Variants in CRIM1 observed in about 807,000 individuals in gnomAD.
CRIM1 encodes cysteine-rich motor neuron 1 protein.
A neutral mutation model predicts 116.4 loss-of-function variants in CRIM1; 32 were observed. That is an observed-to-expected ratio of 0.27 (90% CI 0.21 to 0.37). CRIM1 has a LOEUF of 0.37. Ranked by LOEUF, CRIM1 falls within the 10% of genes least tolerant of loss-of-function variation. The pLI is 1.00. For missense variants in CRIM1, 1,331 were observed against 1,354.8 expected (o/e 0.98, Z 0.28); for synonymous variants, 590 against 509.2 (o/e 1.16, Z -2.13).
rs377405765 is a variant in CRIM1 at position 36,476,906 on chromosome 2, G to A, written c.1009G>A (p.Val337Ile). ...CTTTTCAGATACAAAGCCAGCCTGC[G>A]TATTTAACAATGTGGAATATTATGA... The part of the protein sequence containing the change: ...ECVNDTKPAC[V>I]FNNVEYYDGD... The change falls in exon 6 of 17, where the codon GTA becomes ATA. Residue 337 changes from valine (V) to isoleucine (I), a missense_variant. Physicochemically the swap from Val to Ile is conservative, Grantham distance 29. This residue lies in a region of CRIM1 where 690 missense variants were observed against 676.0 expected (regional missense o/e 1.02). Coordinates refer to ENST00000280527, the MANE Select transcript of CRIM1 (RefSeq NM_016441.3). The A allele has an allele frequency of 1.8e-5, 29 of 1,612,772 alleles. No individual in the cohort carries two copies. The Admixed American group carries it at 2.3e-4, about 13-fold the overall frequency.
At chr2:36,534,609 C>CAGGA (rs758422562) in intron 13 of CRIM1, among the ~76,000 whole-genome samples, 1 of 112,252 alleles carries the variant, frequency 8.9e-6, no homozygotes, top group African/African-American at 3.6e-5. Context: ...GAGGGAGGGA[C>CAGGA]AGGAAGGAAG....
At position 36,541,354 on chromosome 2, in the gene CRIM1, AAC is replaced by A. The variant is rs1423565024; in HGVS notation, c.2624-3020_2624-3019del. ...TTCTGAATATCCTCTTTCTTTACAA[AAC>A]AGTTTCACCTTTACCATCTTTGGAT... On this transcript the variant is annotated intron_variant, in intron 14 of 16. Coordinates refer to ENST00000280527, the MANE Select transcript of CRIM1 (RefSeq NM_016441.3). 2.6e-5 allele frequency among the ~76,000 whole-genome samples: 4 copies of A among 152,158 alleles called. No homozygotes were observed. In the East Asian group the frequency reaches 7.7e-4, roughly 29 times the overall value.
intron 7 of CRIM1, among the ~76,000 whole-genome samples, chr2:36,492,173 C>G (rs1680272765): frequency 6.6e-6 from 1 of 152,160 alleles, no homozygotes. Flanking sequence ...AAAATAAATA[C>G]ATGGTTGCTT....
rs541578635 is a variant in CRIM1 at position 36,385,351 on chromosome 2, G to GA, written c.332-11259dup. Among the ~76,000 whole-genome samples the GA allele has an allele frequency of 5.8e-3, 879 of 152,286 alleles. 7 individuals are homozygous for GA. Among genetic ancestry groups the GA allele is most frequent in the Non-Finnish European group, 1.0e-2 (677 of 68,022 alleles). On this transcript the variant is annotated intron_variant, in intron 1 of 16. Transcript: ENST00000280527. ...GCTGATTTCACAAAGTTGTTATCCTGAAAAGATTCCTTATTGCAACTTCCA... is the reference window on the plus strand; with the variant it reads ...GCTGATTTCACAAAGTTGTTATCCTGAAAAAGATTCCTTATTGCAACTTCCA...
intron 8 of CRIM1, among the ~76,000 whole-genome samples, chr2:36,504,072 C>T (rs937496798): frequency 1.3e-5 from 2 of 152,022 alleles, no homozygotes; most frequent in Non-Finnish European, 2.9e-5. Context: ...CAAGGTTTTG[C>T]CACATTGTCC....
chr2:36,492,878 C>G (rs1468776576), intron 7 of CRIM1, among the ~76,000 whole-genome samples: 1 of 152,146 alleles, frequency 6.6e-6, no homozygotes, highest in Admixed American at 6.6e-5. Flanking sequence ...AAAAATAAAA[C>G]TACCTTAAGA....
chr2:36,359,524 C>T (rs1669082741), intron 1 of CRIM1, among the ~76,000 whole-genome samples: 2 of 152,098 alleles, frequency 1.3e-5, no homozygotes, highest in Non-Finnish European at 2.9e-5. Context: ...GTTTTTAAGG[C>T]ATGCTGGTCT....
chr2:36,426,940 C>T (rs1328039046), intron 2 of CRIM1, among the ~76,000 whole-genome samples: 1 of 152,112 alleles, frequency 6.6e-6, no homozygotes, highest in African/African-American at 2.4e-5. Flanking sequence ...CAGTGGCTCA[C>T]GCCTGTAATC....
chr2:36,401,924 G>A (rs3770931), intron 2 of CRIM1, among the ~76,000 whole-genome samples: 4,163 of 152,244 alleles, frequency 0.027, 150 homozygotes, highest in East Asian at 0.087. Context: ...AGGGGGACTT[G>A]GACTGAAGTC....
rs1305195283 is a variant in CRIM1 at position 36,547,089 on chromosome 2, T to C, written c.2852T>C (p.Leu951Pro). 2 of 1,611,710 alleles carry C rather than the reference T, an allele frequency of 1.2e-6. No homozygotes were observed. The change falls in exon 16 of 17, where the codon CTC becomes CCC. Residue 951 changes from leucine (L) to proline (P), a missense_variant. This residue lies in a region of CRIM1 where 283 missense variants were observed against 242.8 expected (regional missense o/e 1.17). Coordinates refer to ENST00000280527, the MANE Select transcript of CRIM1 (RefSeq NM_016441.3). ...ASVVVPIIIC[L>P]SIIIAFLFIN... ...GTTGTGGTTCCCATAATTATATGCCTCTCTATTATAATAGCATTCCTATTC... is the reference window on the plus strand; with the variant it reads ...GTTGTGGTTCCCATAATTATATGCCCCTCTATTATAATAGCATTCCTATTC...
At chr2:36,520,245 G>T (rs898520743) in intron 12 of CRIM1, among the ~76,000 whole-genome samples, 1 of 152,178 alleles carries the variant, frequency 6.6e-6, no homozygotes, top group Non-Finnish European at 1.5e-5. Context: ...CAGGCTGTTC[G>T]TTTCACTGTC....
chr2:36,532,998 C>G (rs1666218540), intron 13 of CRIM1, among the ~76,000 whole-genome samples: 1 of 152,192 alleles, frequency 6.6e-6, no homozygotes, highest in Non-Finnish European at 1.5e-5. Context: ...TGGCACAACC[C>G]TGATAGCCAC....
At chr2:36,476,213 A>T (rs911760438) in intron 5 of CRIM1, among the ~76,000 whole-genome samples, 1 of 152,000 alleles carries the variant, frequency 6.6e-6, no homozygotes, top group Non-Finnish European at 1.5e-5. Context: ...AAGGAGCACA[A>T]GGTTTCAGTT....
intron 5 of CRIM1, among the ~76,000 whole-genome samples, chr2:36,468,725 T>C (rs1170495518): frequency 1.3e-5 from 2 of 152,206 alleles, no homozygotes; most frequent in Non-Finnish European, 2.9e-5. Context: ...TACTGTTAGA[T>C]GGGTGGATGC....
intron 2 of CRIM1, among the ~76,000 whole-genome samples, chr2:36,398,691 A>G (rs1479500930): frequency 1.3e-5 from 2 of 152,186 alleles, no homozygotes; most frequent in Admixed American, 6.5e-5. Context: ...TTTAAGGTTA[A>G]TGTATCTTCT....
chr2:36,548,788 G>A lies in CRIM1; in HGVS notation c.*87G>A. 2 of 1,151,516 alleles carry A rather than the reference G, an allele frequency of 1.7e-6. No individual in the cohort carries two copies. The highest frequency in any genetic ancestry group is 2.5e-6 in the Non-Finnish European group (2 of 808,150). The allele number at this position is 1,151,516 out of a possible 1,614,324, so 71.3% of individuals were successfully genotyped here. ...AAACTAGAATTTGTGCACTTGCTTA[G>A]TGGATTGTATTGGATTGTGACTTGA... On this transcript the variant is annotated 3_prime_UTR_variant, in exon 17 of 17. Transcript: ENST00000280527.
intron 13 of CRIM1, among the ~76,000 whole-genome samples, chr2:36,528,243 A>G (rs1407926584): frequency 2.0e-5 from 3 of 152,218 alleles, no homozygotes; most frequent in Non-Finnish European, 4.4e-5. Context: ...ATGCCTGGAT[A>G]TAACATCTCA....
intron 1 of CRIM1, among the ~76,000 whole-genome samples, chr2:36,359,231 C>G (rs1245078555): frequency 6.6e-6 from 1 of 152,160 alleles, no homozygotes; most frequent in African/African-American, 2.4e-5. Flanking sequence ...CTGGTTGTAT[C>G]TGTTAATGAA....
chr2:36,506,264 T>A (rs533709594), intron 8 of CRIM1, among the ~76,000 whole-genome samples: 4 of 151,812 alleles, frequency 2.6e-5, no homozygotes, highest in African/African-American at 9.7e-5. Context: ...CGTGCACATC[T>A]TTGGGATGTG....
Sources: gnomAD v4.1 joint callset for allele counts (sites outside exome capture counted in the v4.1 genomes callset) on GRCh38, gnomAD v4.1.1 for gene constraint, gnomAD v4.1.1 regional missense constraint, MANE v1.5 for transcripts, NCBI Gene and HGNC (gene_info 2026-07-23, HGNC 2026-07-21) for gene names.